The following SNTB2 variants were observed in gnomAD, a reference collection of about 807,000 sequenced individuals.
SNTB2 encodes the protein syntrophin beta 2, also known as beta-2-syntrophin.
SNTB2 carries 34 observed loss-of-function variants against 46.2 expected under a neutral mutation model. The ratio of observed to expected loss-of-function variants is 0.74; its 90% CI spans 0.56 to 0.98. The LOEUF (loss-of-function observed/expected upper bound fraction) is 0.98. SNTB2 is among the 50% of genes least tolerant of loss of function. SNTB2 has a pLI of 0.00. For missense variants in SNTB2, 603 were observed against 731.4 expected, an observed-to-expected ratio of 0.82 and a Z score of 2.02; for synonymous variants, 290 against 312.6, an observed-to-expected ratio of 0.93 and a Z score of 0.76.
intron 1 of SNTB2, chr16:69,235,934 A>G (rs1481557872): frequency 1.9e-6 from 2 of 1,058,242 alleles, no homozygotes; most frequent in South Asian, 1.6e-5. Context: ...TATCTGTGCT[A>G]CATCTTAGTA....
At position 69,258,257 on chromosome 16, in the gene SNTB2, T is replaced by C. The variant is rs796990954; in HGVS notation, c.795-1793T>C. ...CACTAAAGGCTTTTTTTTTCCATTT[T>C]AAAAGATATATATGTTCACAGCAGA... On this transcript the variant is annotated intron_variant, in intron 2 of 6. Coordinates refer to ENST00000336278, the MANE Select transcript of SNTB2 (RefSeq NM_006750.4). 5.3e-5 allele frequency among the ~76,000 whole-genome samples: 8 copies of C among 152,342 alleles called. 1 individual carries two copies. Among genetic ancestry groups the C allele is most frequent in the African/African-American group, 1.9e-4 (8 of 41,594 alleles).
intron 1 of SNTB2, among the ~76,000 whole-genome samples, chr16:69,210,971 A>G (rs1317482506): frequency 6.6e-6 from 1 of 152,128 alleles, no homozygotes; most frequent in Non-Finnish European, 1.5e-5. Flanking sequence ...AGCCTGGGCC[A>G]CAGAGCGAGA....
At chr16:69,263,979 T>A (rs956600062) in intron 3 of SNTB2, among the ~76,000 whole-genome samples, 8 of 151,602 alleles carry the variant, frequency 5.3e-5, no homozygotes, top group Non-Finnish European at 1.0e-4. Context: ...AAATTTTTTG[T>A]GTAGAGATGG....
At chr16:69,249,420 C>T (rs977985178) in intron 2 of SNTB2, among the ~76,000 whole-genome samples, 1 of 151,912 alleles carries the variant, frequency 6.6e-6, no homozygotes, top group African/African-American at 2.4e-5. Flanking sequence ...TGTAGAAACC[C>T]GGGGTTGTGG....
At chr16:69,299,896 T>G (rs992621368) in intron 6 of SNTB2, 122 bp downstream of exon 6, 7 of 1,112,864 alleles carry the variant, frequency 6.3e-6, no homozygotes, top group African/African-American at 3.2e-5. Flanking sequence ...AAATTTTAAA[T>G]TAAAAAAAAT....
rs200281246 is a variant in SNTB2 at position 69,299,637 on chromosome 16, A to T, written c.1393A>T (p.Asn465Tyr). The T allele has an allele frequency of 1.1e-5, 18 of 1,614,192 alleles. No individual in the cohort carries two copies. The Admixed American group carries it at 2.8e-4, about 25-fold the overall frequency. Residue 465 changes from asparagine (N) to tyrosine (Y), a missense_variant, in exon 6 of 7, where the codon AAT (asparagine) becomes TAT (tyrosine). Asn to Tyr is a moderately radical substitution (Grantham distance 143). Transcript: ENST00000336278. ...GGTGAGGCTTACTATTCACTATGAAAATGGGTTCACCATCTCAAGGGAAAA... is the reference window on the plus strand; with the variant it reads ...GGTGAGGCTTACTATTCACTATGAATATGGGTTCACCATCTCAAGGGAAAA... ...QEVRLTIHYE[N>Y]GFTISRENGG...
Position 69,304,606 on chromosome 16 carries a change from CA to C in SNTB2, c.*3685del, listed in dbSNP as rs1219912252. The stretch of plus-strand genomic sequence containing the variant: ...TTTATCCTCCTAAGTTGAATGGTAA[CA>C]AAGCTTTTCCAGCTGAATGAATGCA... On this transcript the variant is annotated 3_prime_UTR_variant, in exon 7 of 7. Coordinates refer to ENST00000336278, the MANE Select transcript of SNTB2 (RefSeq NM_006750.4). The C allele has an allele frequency of 6.6e-6, 1 of 152,130 alleles. No homozygotes were observed. Among genetic ancestry groups the C allele is most frequent in the African/African-American group, 2.4e-5 (1 of 41,396 alleles). The allele number at this position is 152,130 out of a possible 1,614,324, so 9.4% of individuals were successfully genotyped here.
At chr16:69,213,743 C>G (rs1964314820) in intron 1 of SNTB2, among the ~76,000 whole-genome samples, 1 of 151,622 alleles carries the variant, frequency 6.6e-6, no homozygotes, top group Admixed American at 6.6e-5. Flanking sequence ...TGTGTTCCAC[C>G]CGCCTTAGCA....
intron 1 of SNTB2, among the ~76,000 whole-genome samples, chr16:69,231,389 G>A (rs1964504987): frequency 6.6e-6 from 1 of 152,126 alleles, no homozygotes; most frequent in African/African-American, 2.4e-5. Context: ...GGGAGATGGA[G>A]ACCAGCCTGG....
intron 1 of SNTB2, among the ~76,000 whole-genome samples, chr16:69,189,297 C>CA (rs1033751767): frequency 2.0e-5 from 3 of 150,990 alleles, no homozygotes; most frequent in Non-Finnish European, 4.4e-5. Context: ...GGTGTGTGTC[C>CA]AAAAAAAACT....
In SNTB2 at chr16:69,308,199, G is replaced by A. The variant is rs1422068118; in HGVS notation, c.*7275G>A. ...TAATGATTGTATACTATTAAAACCAGCACATAAGTATTGTAAATGTGTGTT... is the reference window on the plus strand; with the variant it reads ...TAATGATTGTATACTATTAAAACCAACACATAAGTATTGTAAATGTGTGTT... On this transcript the variant is annotated 3_prime_UTR_variant, in exon 7 of 7. Coordinates refer to ENST00000336278, the MANE Select transcript of SNTB2 (RefSeq NM_006750.4). 2 of 152,590 alleles carry A rather than the reference G, an allele frequency of 1.3e-5. No individual in the cohort carries two copies. The highest frequency in any genetic ancestry group is 2.9e-5 in the Non-Finnish European group (2 of 68,038). The allele number at this position is 152,590 out of a possible 1,614,324, so 9.5% of individuals were successfully genotyped here.
At chr16:69,274,436 G>A (rs1316373091) in intron 4 of SNTB2, among the ~76,000 whole-genome samples, 2 of 151,820 alleles carry the variant, frequency 1.3e-5, no homozygotes, top group Admixed American at 6.6e-5. Flanking sequence ...GGTGGATCAC[G>A]AGGTCAGGAG....
intron 1 of SNTB2, among the ~76,000 whole-genome samples, chr16:69,222,985 C>T (rs1964421636): frequency 6.6e-6 from 1 of 151,828 alleles, no homozygotes; most frequent in South Asian, 2.1e-4. Context: ...GGTTTCACCA[C>T]AGTGGCCAGG....
At chr16:69,269,901 G>T (rs1256291918) in intron 3 of SNTB2, among the ~76,000 whole-genome samples, 1 of 152,134 alleles carries the variant, frequency 6.6e-6, no homozygotes. Flanking sequence ...AGTTATTATG[G>T]AATGGGGAAA....
chr16:69,190,938 T>C (rs1440194582), intron 1 of SNTB2, among the ~76,000 whole-genome samples: 5 of 152,060 alleles, frequency 3.3e-5, no homozygotes, highest in African/African-American at 7.2e-5. Context: ...AATACAGCAA[T>C]GAACAGCACA....
chr16:69,296,360 TCA>T (rs2143198421), intron 5 of SNTB2, among the ~76,000 whole-genome samples: 1 of 152,078 alleles, frequency 6.6e-6, no homozygotes, highest in South Asian at 2.1e-4. Context: ...ACACACAGAA[TCA>T]CACACAGTCA....
At chr16:69,292,337 A>C in intron 5 of SNTB2, among the ~76,000 whole-genome samples, 1 of 123,980 alleles carries the variant, frequency 8.1e-6, no homozygotes, top group Admixed American at 8.5e-5. Context: ...TGTATTTACC[A>C]TTGTTCACCT....
intron 3 of SNTB2, among the ~76,000 whole-genome samples, chr16:69,260,903 A>G (rs1704815976): frequency 6.6e-6 from 1 of 152,236 alleles, no homozygotes; most frequent in Non-Finnish European, 1.5e-5. Flanking sequence ...AAGAGAAACA[A>G]GAAAGTCTGA....
intron 5 of SNTB2, among the ~76,000 whole-genome samples, chr16:69,294,315 C>T (rs1303536531): frequency 6.6e-6 from 1 of 152,070 alleles, no homozygotes; most frequent in South Asian, 2.1e-4. Flanking sequence ...CTGTGCCCAG[C>T]CAGTTGTTTG....
Sources: allele counts gnomAD v4.1 joint callset (sites outside exome capture counted in the v4.1 genomes callset), GRCh38; gene constraint gnomAD v4.1.1; transcripts MANE v1.5; gene names NCBI Gene and HGNC (gene_info 2026-07-23, HGNC 2026-07-21).